GALNT13: variants seen among roughly 807,000 people sequenced by gnomAD.
GALNT13 encodes polypeptide N-acetylgalactosaminyltransferase 13.
GALNT13 carries 28 observed loss-of-function variants against 64.2 expected under a neutral mutation model. The observed-to-expected ratio is 0.44, with a 90% confidence interval of 0.32 to 0.60. The LOEUF (loss-of-function observed/expected upper bound fraction) is 0.60, where lower values mean the gene tolerates loss of function less well. Among genes scored for constraint, GALNT13 ranks in the 20% least tolerant of loss-of-function variants. GALNT13 has a pLI of 0.05. For synonymous variants in GALNT13, 214 were observed against 224.6 expected (o/e 0.95, Z 0.42); for missense variants, 577 against 669.8 (o/e 0.86, Z 1.53).
the GALNT13 span, among the ~76,000 whole-genome samples, chr2:153,109,911 A>G: frequency 6.6e-6 from 1 of 152,056 alleles, no homozygotes; most frequent in South Asian, 2.1e-4. Flanking sequence ...CACAAGGTAA[A>G]CAGATTTATT....
At position 154,140,339 on chromosome 2, in the gene GALNT13, G is replaced by A. The variant is rs1683188672; in HGVS notation, c.145G>A (p.Val49Ile). Residue 49 changes from valine (V) to isoleucine (I), a missense_variant and splice_region_variant, in exon 4 of 13, where the codon GTT becomes ATT. Coordinates refer to ENST00000392825, the MANE Select transcript of GALNT13 (RefSeq NM_052917.4). ...ERSLLPALRA[V>I]ISRNQEGPGE... ...CTGTATCTCTGTATGTCTTACAGCT[G>A]TTATTTCAAGAAACCAAGAAGGGCC... 2 of 1,611,016 alleles carry A rather than the reference G, an allele frequency of 1.2e-6. No individual in the cohort carries two copies. Among genetic ancestry groups the A allele is most frequent in the Non-Finnish European group, 8.5e-7 (1 of 1,177,632 alleles).
At chr2:153,333,064 C>T in the GALNT13 span, among the ~76,000 whole-genome samples, 4 of 152,218 alleles carry the variant, frequency 2.6e-5, no homozygotes, top group African/African-American at 9.6e-5. Flanking sequence ...CCCTACCCTG[C>T]TCCAGAGCTG....
At chr2:153,600,885 G>T in the GALNT13 span, among the ~76,000 whole-genome samples, 2 of 151,962 alleles carry the variant, frequency 1.3e-5, no homozygotes, top group Admixed American at 6.6e-5. Flanking sequence ...AACGCTTAAT[G>T]GTTTGAATGA....
intron 3 of GALNT13, among the ~76,000 whole-genome samples, chr2:154,028,318 C>T (rs1263225608): frequency 2.0e-5 from 3 of 151,974 alleles, no homozygotes; most frequent in African/African-American, 7.2e-5. Flanking sequence ...ATTTATTCTT[C>T]ACAAGGCCAT....
At chr2:153,541,903 A>G in the GALNT13 span, among the ~76,000 whole-genome samples, 1 of 152,286 alleles carries the variant, frequency 6.6e-6, no homozygotes, top group Non-Finnish European at 1.5e-5. Context: ...GATCAAATAC[A>G]TTTCTATGCC....
intron 3 of GALNT13, among the ~76,000 whole-genome samples, chr2:154,025,204 C>T (rs1234659369): frequency 6.6e-6 from 1 of 152,178 alleles, no homozygotes; most frequent in Non-Finnish European, 1.5e-5. Context: ...GGGAGAACTA[C>T]TACTTTCTTC....
intron 9 of GALNT13, among the ~76,000 whole-genome samples, chr2:154,384,794 G>T (rs1218189467): frequency 6.6e-6 from 1 of 151,890 alleles, no homozygotes; most frequent in Non-Finnish European, 1.5e-5. Context: ...TCATGATTCA[G>T]TATTATGCCG....
intron 7 of GALNT13, among the ~76,000 whole-genome samples, chr2:154,246,812 A>G (rs1259302775): frequency 6.6e-6 from 1 of 152,072 alleles, no homozygotes; most frequent in African/African-American, 2.4e-5. Context: ...GTTCTTGGAA[A>G]CTGCAACTTT....
chr2:153,177,044 G>T, the GALNT13 span, among the ~76,000 whole-genome samples: 4 of 152,042 alleles, frequency 2.6e-5, no homozygotes, highest in African/African-American at 9.6e-5. Flanking sequence ...GAGGCACCGG[G>T]GTACAAGAAG....
chr2:154,247,611 A>C (rs903435837), intron 7 of GALNT13, among the ~76,000 whole-genome samples: 1 of 152,120 alleles, frequency 6.6e-6, no homozygotes, highest in African/African-American at 2.4e-5. Flanking sequence ...TCTCATTCAT[A>C]AAATAAAGAT....
the GALNT13 span, among the ~76,000 whole-genome samples, chr2:153,832,248 C>T: frequency 6.6e-6 from 1 of 152,064 alleles, no homozygotes; most frequent in East Asian, 1.9e-4. Flanking sequence ...AAGATCACAG[C>T]AGACATTGCT....
the GALNT13 span, among the ~76,000 whole-genome samples, chr2:153,628,708 G>A: frequency 1.3e-5 from 2 of 152,146 alleles, no homozygotes; most frequent in Non-Finnish European, 2.9e-5. Flanking sequence ...ACTTGGTCAT[G>A]GTGAATAAGC....
At chr2:153,766,005 A>G in the GALNT13 span, among the ~76,000 whole-genome samples, 1 of 152,202 alleles carries the variant, frequency 6.6e-6, no homozygotes, top group African/African-American at 2.4e-5. Flanking sequence ...ACTTTACTTT[A>G]TAAATTATCC....
chr2:153,823,137 A>G, the GALNT13 span, among the ~76,000 whole-genome samples: 2 of 152,194 alleles, frequency 1.3e-5, no homozygotes, highest in South Asian at 4.1e-4. Flanking sequence ...GCACAAACAA[A>G]TGGAAAACCA....
At chr2:153,327,753 C>T in the GALNT13 span, among the ~76,000 whole-genome samples, 20 of 151,976 alleles carry the variant, frequency 1.3e-4, no homozygotes, top group South Asian at 1.0e-3. Context: ...TCCTTTAGCT[C>T]GGAGGAGTTT....
chr2:153,913,845 C>A (rs1689150611), intron 2 of GALNT13, among the ~76,000 whole-genome samples: 1 of 152,164 alleles, frequency 6.6e-6, no homozygotes, highest in Admixed American at 6.5e-5. Flanking sequence ...GCTCAGAGGA[C>A]TCCAGTCTTT....
chr2:153,986,258 C>T (rs2105174064), intron 3 of GALNT13, among the ~76,000 whole-genome samples: 1 of 152,074 alleles, frequency 6.6e-6, no homozygotes, highest in Non-Finnish European at 1.5e-5. Flanking sequence ...GCAACACTTT[C>T]TTTTAAAATT....
At chr2:154,054,187 T>C (rs2105353098) in intron 3 of GALNT13, among the ~76,000 whole-genome samples, 1 of 152,206 alleles carries the variant, frequency 6.6e-6, no homozygotes, top group South Asian at 2.1e-4. Context: ...AAGTTTTTCA[T>C]ATAGGATTGT....
the GALNT13 span, among the ~76,000 whole-genome samples, chr2:153,595,480 T>C: frequency 2.6e-5 from 4 of 151,988 alleles, no homozygotes. Context: ...TATTTCAATA[T>C]AAGGAAGATC....
Sources: allele counts gnomAD v4.1 joint callset (sites outside exome capture counted in the v4.1 genomes callset), GRCh38; gene constraint gnomAD v4.1.1; transcripts MANE v1.5; gene names NCBI Gene and HGNC (gene_info 2026-07-23, HGNC 2026-07-21).